CDC5L: variants seen among roughly 807,000 people sequenced by gnomAD.
CDC5L encodes the protein cell division cycle 5 like.
In CDC5L, 18 loss-of-function variants were observed where a neutral mutation model predicts 104.1. The observed-to-expected ratio is 0.17, with a 90% confidence interval of 0.12 to 0.26. The LOEUF is 0.26. Ranked by LOEUF, CDC5L falls within the 10% of genes least tolerant of loss-of-function variation. CDC5L has a pLI of 1.00. For missense variants in CDC5L, 673 were observed against 956.9 expected, an observed-to-expected ratio of 0.70 and a Z score of 3.91; for synonymous variants, 331 against 322.7, an observed-to-expected ratio of 1.03 and a Z score of -0.28.
chr6:44,427,931 A>G (rs1378036925), intron 13 of CDC5L, among the ~76,000 whole-genome samples: 2 of 152,220 alleles, frequency 1.3e-5, no homozygotes, highest in East Asian at 1.9e-4. Context: ...CCCTAACACA[A>G]TTTTTGAAAA....
At chr6:44,438,665 CTT>C (rs749816182) in intron 14 of CDC5L, among the ~76,000 whole-genome samples, 19 of 106,234 alleles carry the variant, frequency 1.8e-4, no homozygotes, top group East Asian at 3.0e-4. Flanking sequence ...GAAGTTTTGT[CTT>C]TTTTTTTTTT....
At chr6:44,421,796 C>T (rs1467354444) in intron 9 of CDC5L, among the ~76,000 whole-genome samples, 3 of 152,074 alleles carry the variant, frequency 2.0e-5, no homozygotes, top group African/African-American at 4.8e-5. Context: ...TATGCAAATA[C>T]GATGCCGTTT....
intron 11 of CDC5L, among the ~76,000 whole-genome samples, chr6:44,425,164 A>G (rs1792364233): frequency 6.6e-6 from 1 of 152,234 alleles, no homozygotes; most frequent in South Asian, 2.1e-4. Context: ...AGTGATATAA[A>G]TAGGATCGGT....
At position 44,397,413 on chromosome 6, in the gene CDC5L, C is replaced by T. The variant is rs184984852; in HGVS notation, c.539+973C>T. ...AATTGGAATTGTCCAGTTCCTATTT[C>T]GCTAGTATTCTTTACCTTCTTTATT... On this transcript the variant is annotated intron_variant, in intron 5 of 15. Coordinates refer to ENST00000371477, the MANE Select transcript of CDC5L (RefSeq NM_001253.4). 3.8e-3 allele frequency among the ~76,000 whole-genome samples: 576 copies of T among 152,282 alleles called. 7 individuals carry two copies. The highest frequency in any genetic ancestry group is 0.012 in the South Asian group (56 of 4,822).
chr6:44,446,750 C>T lies in CDC5L; in HGVS notation c.*39C>T, dbSNP rs369948548. On this transcript the variant is annotated 3_prime_UTR_variant, in exon 16 of 16. Coordinates refer to ENST00000371477, the MANE Select transcript of CDC5L (RefSeq NM_001253.4). ...TTCTGTCACAGGATTAATTAATTGC[C>T]GGTTTTCATACTCTAGAAGGCTGAA... 1.8e-5 allele frequency: 18 copies of T among 998,854 alleles called. No homozygotes were observed. The highest frequency in any genetic ancestry group is 2.6e-5 in the Non-Finnish European group (17 of 653,784). The allele number at this position is 998,854 out of a possible 1,614,324, so 61.9% of individuals were successfully genotyped here. A position where few individuals can be genotyped will look rare whatever the true frequency, so the allele number is the denominator to read the frequency against.
At position 44,413,004 on chromosome 6, in the gene CDC5L, G is replaced by A. The variant is rs372210407; in HGVS notation, c.1092+4372G>A. On this transcript the variant is annotated intron_variant, in intron 8 of 15. Coordinates refer to ENST00000371477, the MANE Select transcript of CDC5L (RefSeq NM_001253.4). ...TCACCGTTTTAGCTGGGATGGTCTCGATCTCCTGACCTCGTGATCCGCCCG... is the reference window on the plus strand; with the variant it reads ...TCACCGTTTTAGCTGGGATGGTCTCAATCTCCTGACCTCGTGATCCGCCCG... 5.3e-5 allele frequency among the ~76,000 whole-genome samples: 8 copies of A among 151,194 alleles called. No homozygotes were observed. In the South Asian group the frequency reaches 6.3e-4, roughly 12 times the overall value.
chr6:44,393,359 GA>G (rs1790707165), intron 3 of CDC5L, 86 bp from the exon 4 acceptor site: 17 of 1,299,778 alleles, frequency 1.3e-5, no homozygotes, highest in Admixed American at 2.3e-5. Flanking sequence ...TTTTTGGGGG[GA>G]AAAATATCGT....
At chr6:44,398,139 A>G (rs1206116506) in intron 5 of CDC5L, among the ~76,000 whole-genome samples, 1 of 152,186 alleles carries the variant, frequency 6.6e-6, no homozygotes, top group Non-Finnish European at 1.5e-5. Context: ...GCCAATTGCT[A>G]GCCTAGAATG....
chr6:44,388,658 G>A (rs1288752511), intron 1 of CDC5L, among the ~76,000 whole-genome samples: 1 of 145,780 alleles, frequency 6.9e-6, no homozygotes, highest in Non-Finnish European at 1.5e-5. Context: ...TCTTTTTTTC[G>A]TTACATTTTA....
intron 8 of CDC5L, among the ~76,000 whole-genome samples, chr6:44,415,759 C>G (rs374287954): frequency 5.3e-5 from 8 of 152,222 alleles, no homozygotes; most frequent in African/African-American, 1.7e-4. Flanking sequence ...GATATTTGTT[C>G]TGGGTAGCCA....
At chr6:44,444,429 A>G (rs935665593) in intron 14 of CDC5L, among the ~76,000 whole-genome samples, 5 of 152,142 alleles carry the variant, frequency 3.3e-5, no homozygotes, top group Admixed American at 3.3e-4. Context: ...TCTGTGGACA[A>G]ACTCCTTTTA....
At chr6:44,429,419 C>G (rs896773032) in intron 13 of CDC5L, among the ~76,000 whole-genome samples, 18 of 152,132 alleles carry the variant, frequency 1.2e-4, no homozygotes, top group African/African-American at 4.1e-4. Context: ...CCTAGTTTCT[C>G]ACACACACAA....
At chr6:44,444,255 C>T (rs138146351) in intron 14 of CDC5L, among the ~76,000 whole-genome samples, 3,045 of 152,284 alleles carry the variant, frequency 0.02, 49 homozygotes, top group South Asian at 0.077. Context: ...CTGCACTCTA[C>T]GATCCTGGGG....
At chr6:44,395,833 C>T (rs1026048899) in intron 4 of CDC5L, among the ~76,000 whole-genome samples, 1 of 152,002 alleles carries the variant, frequency 6.6e-6, no homozygotes, top group African/African-American at 2.4e-5. Context: ...TTATTCCATT[C>T]TATAGAGCCA....
chr6:44,392,981 T>G (rs1790685656), intron 3 of CDC5L, among the ~76,000 whole-genome samples, 153 bp downstream of exon 3: 1 of 152,194 alleles, frequency 6.6e-6, no homozygotes, highest in Non-Finnish European at 1.5e-5. Context: ...ATATCTCAGA[T>G]GGTTGATCAA....
At chr6:44,391,246 T>C (rs1167812448) in intron 2 of CDC5L, among the ~76,000 whole-genome samples, 1 of 151,298 alleles carries the variant, frequency 6.6e-6, no homozygotes, top group African/African-American at 2.4e-5. Flanking sequence ...TGGTGTCACC[T>C]CTTTTTTATT....
intron 14 of CDC5L, 86 bp from the exon 15 acceptor site, chr6:44,445,569 C>A: frequency 2.3e-6 from 2 of 857,168 alleles, no homozygotes; most frequent in Non-Finnish European, 3.7e-6. Flanking sequence ...GAGACACATA[C>A]ATGAACGCAT....
chr6:44,413,344 A>G (rs1435981858), intron 8 of CDC5L, among the ~76,000 whole-genome samples: 3 of 152,196 alleles, frequency 2.0e-5, no homozygotes, highest in Admixed American at 6.5e-5. Context: ...TTGTCATTGC[A>G]TAATATTCCA....
chr6:44,422,759 C>A lies in CDC5L; in HGVS notation c.1354C>A (p.Pro452Thr). The change falls in exon 10 of 16, where the codon CCC (proline) becomes ACC (threonine). Residue 452 changes from proline to threonine, a missense_variant. Physicochemically the swap from Pro to Thr is conservative, Grantham distance 38. Transcript: ENST00000371477. ...TPLRDKLNIN[P>T]EDGMADYSDP... ...TCTTCGAGACAAGTTAAACATTAATCCCGAGGATGGAATGGCAGACTATAG... is the reference window on the plus strand; with the variant it reads ...TCTTCGAGACAAGTTAAACATTAATACCGAGGATGGAATGGCAGACTATAG... The A allele has an allele frequency of 1.9e-6, 3 of 1,612,892 alleles. No homozygotes were observed. The highest frequency in any genetic ancestry group is 2.5e-6 in the Non-Finnish European group (3 of 1,179,086).
Sources: gnomAD v4.1 joint callset for allele counts (sites outside exome capture counted in the v4.1 genomes callset) on GRCh38, gnomAD v4.1.1 for gene constraint, MANE v1.5 for transcripts, NCBI Gene and HGNC (gene_info 2026-07-23, HGNC 2026-07-21) for gene names.